Variants in VRK2 observed in about 807,000 individuals in gnomAD.
VRK2 encodes serine/threonine-protein kinase VRK2.
VRK2 carries 60 observed loss-of-function variants against 57.6 expected under a neutral mutation model. The ratio of observed to expected loss-of-function variants is 1.04; its 90% CI spans 0.85 to 1.29. The LOEUF is 1.29. Ranked by LOEUF, VRK2 falls within the 50% of genes most tolerant of loss-of-function variation. VRK2 has a pLI of 0.00. For synonymous variants in VRK2, 231 were observed against 199.2 expected (o/e 1.16, Z -1.35); for missense variants, 705 against 588.1 (o/e 1.20, Z -2.06).
At chr2:58,045,837 A>G (rs972275347), upstream of VRK2, among the ~76,000 whole-genome samples, 4 of 152,076 alleles carry the variant, frequency 2.6e-5, no homozygotes, top group Non-Finnish European at 5.9e-5. Flanking sequence ...TAAGCTTACT[A>G]TGAGTCTTTT....
intron 2 of VRK2, among the ~76,000 whole-genome samples, chr2:58,030,274 A>G (rs567021852): frequency 6.6e-6 from 1 of 152,240 alleles, no homozygotes; most frequent in African/African-American, 2.4e-5. Flanking sequence ...ATCATTTTAA[A>G]TAATCTAAAT....
chr2:58,100,867 T>G (rs1673859047), intron 7 of VRK2, among the ~76,000 whole-genome samples: 1 of 151,812 alleles, frequency 6.6e-6, no homozygotes, highest in Admixed American at 6.6e-5. Flanking sequence ...TACTGCTATT[T>G]TACTAAACAT....
intron 7 of VRK2, among the ~76,000 whole-genome samples, chr2:58,117,774 G>A (rs1026369064): frequency 6.6e-6 from 1 of 152,084 alleles, no homozygotes; most frequent in Admixed American, 6.5e-5. Flanking sequence ...AAAATAAGAC[G>A]CTTAGATTTT....
At chr2:58,084,043 T>C (rs570354982) in intron 2 of VRK2, 46 bp from the exon 3 acceptor site, 1 of 1,594,008 alleles carries the variant, frequency 6.3e-7, no homozygotes, top group African/African-American at 1.3e-5. Flanking sequence ...TATTCAGTAA[T>C]TGGGAATAAC....
chr2:58,040,868 A>G (rs1047818973), intron 3 of VRK2, among the ~76,000 whole-genome samples: 1 of 152,238 alleles, frequency 6.6e-6, no homozygotes, highest in Admixed American at 6.5e-5. Context: ...CAAGACCCTT[A>G]GAGGATGTTG....
chr2:58,079,449 G>A (rs189690367), intron 2 of VRK2, among the ~76,000 whole-genome samples: 3 of 152,022 alleles, frequency 2.0e-5, no homozygotes, highest in East Asian at 3.9e-4. Context: ...TTATTACTGT[G>A]ACATTTGCCA....
intron 3 of VRK2, among the ~76,000 whole-genome samples, chr2:58,040,576 T>C (rs1374400569): frequency 1.3e-5 from 2 of 152,182 alleles, no homozygotes; most frequent in Non-Finnish European, 2.9e-5. Flanking sequence ...GAGAAGCCTT[T>C]GCTTCTGTGT....
chr2:58,014,157 A>T (rs1673502469), intron 1 of VRK2, among the ~76,000 whole-genome samples: 1 of 152,160 alleles, frequency 6.6e-6, no homozygotes, highest in African/African-American at 2.4e-5. Flanking sequence ...TACATGTATT[A>T]AAAATTGGTG....
In VRK2 at chr2:58,048,915, G is replaced by C; in HGVS notation, c.84G>C (p.Gln28His). The C allele has an allele frequency of 6.2e-7, 1 of 1,613,962 alleles. No individual in the cohort carries two copies. Among genetic ancestry groups the C allele is most frequent in the Non-Finnish European group, 8.5e-7 (1 of 1,179,922 alleles). Residue 28 changes from glutamine to histidine, a missense_variant, in exon 2 of 13, where the codon CAG (glutamine) becomes CAC (histidine). Coordinates refer to ENST00000340157, the MANE Select transcript of VRK2 (RefSeq NM_006296.7). ...TTCTGGATGATATGGAAGGCAATCA[G>C]TGGGTACTGGGCAAGAAGATTGGCT... ...GKVLDDMEGN[Q>H]WVLGKKIGSG...
At chr2:58,078,105 T>C (rs1212698440) in intron 2 of VRK2, among the ~76,000 whole-genome samples, 1 of 152,120 alleles carries the variant, frequency 6.6e-6, no homozygotes, top group Non-Finnish European at 1.5e-5. Flanking sequence ...AATGTTCCCA[T>C]TTTGCAGTAC....
chr2:58,088,254 G>A, intron 5 of VRK2, 87 bp from the exon 6 acceptor site: 2 of 899,930 alleles, frequency 2.2e-6, no homozygotes, highest in Non-Finnish European at 3.5e-6. Context: ...GTTAGGTTGA[G>A]CGTAATTTTT....
At chr2:57,932,463 AG>A (rs1670761381) in intron 1 of VRK2, among the ~76,000 whole-genome samples, 1 of 152,114 alleles carries the variant, frequency 6.6e-6, no homozygotes, top group Non-Finnish European at 1.5e-5. Flanking sequence ...AACTTATTCT[AG>A]GTTATCCAAT....
chr2:58,013,858 C>CAAAAAAAA (rs60604486), intron 1 of VRK2, among the ~76,000 whole-genome samples: 3 of 62,800 alleles, frequency 4.8e-5, no homozygotes, highest in African/African-American at 1.6e-4. Flanking sequence ...GACTCCGTCT[C>CAAAAAAAA]AAAAAAAAAA....
In VRK2 at chr2:58,123,223, C is replaced by A. The variant is rs1677795130; in HGVS notation, c.666C>A (p.His222Gln). The A allele has an allele frequency of 6.3e-7, 1 of 1,583,648 alleles. No homozygotes were observed. Among genetic ancestry groups the A allele is most frequent in the African/African-American group, 1.4e-5 (1 of 72,228 alleles). The change falls in exon 8 of 13, where the codon CAC (histidine) becomes CAA (glutamine). Residue 222 changes from histidine to glutamine, a missense_variant. By Grantham distance (24) the His-to-Gln change is conservative. Coordinates refer to ENST00000340157, the MANE Select transcript of VRK2 (RefSeq NM_006296.7). Reference protein sequence around the residue: ...GTIEFTSLDAHKGVALSRRSD... With the variant: ...GTIEFTSLDAQKGVALSRRSD... ...TAGAGTTTACCAGCTTGGATGCCCA[C>A]AAGGGAGTAGGTGGGTTTCTTTTTT...
chr2:57,926,108 C>A (rs1670522835), intron 1 of VRK2, among the ~76,000 whole-genome samples: 1 of 151,454 alleles, frequency 6.6e-6, no homozygotes, highest in Non-Finnish European at 1.5e-5. Flanking sequence ...GATATAATTT[C>A]TTTTTTTTAT....
In VRK2 at chr2:58,047,086, T is replaced by C. The variant is rs927860531; in HGVS notation, c.-6+218T>C. 9.3e-6 allele frequency: 6 copies of C among 646,326 alleles called. No individual in the cohort carries two copies. The African/African-American group carries it at 1.2e-4, about 13-fold the overall frequency. The allele number at this position is 646,326 out of a possible 1,614,324, so 40.0% of individuals were successfully genotyped here. A position where few individuals can be genotyped will look rare whatever the true frequency, so the allele number is the denominator to read the frequency against. On this transcript the variant is annotated intron_variant, in intron 1 of 12. Transcript: ENST00000340157. ...GGAGTGAGAACAAGGCGTCCCCTTCTACTCACGTTTGCCAAAAGCGGGTCC... is the reference window on the plus strand; with the variant it reads ...GGAGTGAGAACAAGGCGTCCCCTTCCACTCACGTTTGCCAAAAGCGGGTCC...
At chr2:57,942,470 T>C (rs946138460) in intron 1 of VRK2, among the ~76,000 whole-genome samples, 15 of 152,194 alleles carry the variant, frequency 9.9e-5, no homozygotes, top group African/African-American at 3.6e-4. Flanking sequence ...TCCCTGTTTA[T>C]TGCATTTAAA....
chr2:58,030,658 T>C (rs1227180246), intron 2 of VRK2, among the ~76,000 whole-genome samples: 1 of 146,054 alleles, frequency 6.8e-6, no homozygotes, highest in Non-Finnish European at 1.5e-5. Context: ...GTGTGGCAGA[T>C]TGTACTTTTC....
At chr2:57,960,690 C>T (rs919565921) in intron 1 of VRK2, among the ~76,000 whole-genome samples, 8 of 152,288 alleles carry the variant, frequency 5.3e-5, no homozygotes, top group Admixed American at 3.3e-4. Context: ...TTTCTGCTGG[C>T]TCATTTCCAT....
Sources: gnomAD v4.1 joint callset for allele counts (sites outside exome capture counted in the v4.1 genomes callset) on GRCh38, gnomAD v4.1.1 for gene constraint, MANE v1.5 for transcripts, NCBI Gene and HGNC (gene_info 2026-07-23, HGNC 2026-07-21) for gene names.